ASIC2: variants seen among roughly 807,000 people sequenced by gnomAD.
ASIC2 encodes acid sensing ion channel subunit 2, also known as acid-sensing ion channel 2.
In ASIC2, 25 loss-of-function variants were observed where a neutral mutation model predicts 57.3. That is an observed-to-expected ratio of 0.44 (90% CI 0.32 to 0.61). ASIC2 has a LOEUF of 0.61. ASIC2 is among the 20% of genes least tolerant of loss of function. ASIC2 has a pLI of 0.06. For missense variants in ASIC2, 641 were observed against 738.1 expected (o/e 0.87, Z 1.52); for synonymous variants, 319 against 307.5 (o/e 1.04, Z -0.39).
chr17:33,570,300 C>A (rs189265139), intron 1 of ASIC2, among the ~76,000 whole-genome samples: 55 of 152,350 alleles, frequency 3.6e-4, no homozygotes, highest in Admixed American at 2.0e-3. Flanking sequence ...TAGCCTTGAG[C>A]CCATCAGGAC....
chr17:33,079,544 G>T (rs539077533), intron 3 of ASIC2, among the ~76,000 whole-genome samples: 13 of 152,140 alleles, frequency 8.5e-5, no homozygotes, highest in Non-Finnish European at 1.5e-4. Flanking sequence ...TCATCCTGTG[G>T]TTCATGAGGG....
intron 1 of ASIC2, among the ~76,000 whole-genome samples, chr17:33,198,425 TC>T (rs2142075395): frequency 6.6e-6 from 1 of 152,266 alleles, no homozygotes; most frequent in Non-Finnish European, 1.5e-5. Flanking sequence ...CATAAACTAG[TC>T]CTATGCTCAA....
At chr17:33,686,083 T>C (rs1302358748) in intron 1 of ASIC2, among the ~76,000 whole-genome samples, 2 of 152,122 alleles carry the variant, frequency 1.3e-5, no homozygotes, top group Non-Finnish European at 2.9e-5. Context: ...GAGGTCGGAA[T>C]CCTCAGCTCC....
At position 33,084,790 on chromosome 17, in the gene ASIC2, G is replaced by A. The variant is rs550744946; in HGVS notation, c.987+4073C>T. Among the ~76,000 whole-genome samples, 7 of 152,236 alleles carry A rather than the reference G, an allele frequency of 4.6e-5. No individual in the cohort carries two copies. The South Asian group carries it at 1.5e-3, about 32-fold the overall frequency. ...CTGTCTCTGGTGGTCCTGGGATTGTGCAGAGGATTTTACAGCAACTGAGTT... is the reference window on the plus strand; with the variant it reads ...CTGTCTCTGGTGGTCCTGGGATTGTACAGAGGATTTTACAGCAACTGAGTT... On this transcript the variant is annotated intron_variant, in intron 3 of 9. Coordinates refer to ENST00000225823, the MANE Select transcript of ASIC2 (RefSeq NM_183377.2).
At chr17:33,999,599 T>G (rs2142014452) in intron 1 of ASIC2, among the ~76,000 whole-genome samples, 1 of 152,316 alleles carries the variant, frequency 6.6e-6, no homozygotes. Flanking sequence ...ACAGTGTATT[T>G]TAAGCTGATA....
rs540541025 is a variant in ASIC2, at chr17:34,081,044, CATCTATCT to C, written c.555+74926_555+74933del. ...GGCTTTGCCAAGCAGCCTCTATTGGCATCTATCTGAATCGCTGGCTTATAGCCCATGAA... is the reference window on the plus strand; with the variant it reads ...GGCTTTGCCAAGCAGCCTCTATTGGCGAATCGCTGGCTTATAGCCCATGAA... On this transcript the variant is annotated intron_variant, in intron 1 of 9. Transcript: ENST00000359872. 95 of 152,272 alleles carry C rather than the reference CATCTATCT, an allele frequency of 6.2e-4. 1 individual carries two copies. The highest frequency in any genetic ancestry group is 5.2e-3 in the Admixed American group (79 of 15,294). The allele number at this position is 152,272 out of a possible 1,614,324, so 9.4% of individuals were successfully genotyped here.
At chr17:33,870,539 C>T (rs1000019927) in intron 1 of ASIC2, among the ~76,000 whole-genome samples, 2 of 151,876 alleles carry the variant, frequency 1.3e-5, no homozygotes, top group Non-Finnish European at 2.9e-5. Flanking sequence ...AGGAAGAATT[C>T]AGGGTGCCAC....
intron 3 of ASIC2, among the ~76,000 whole-genome samples, chr17:33,086,131 C>T (rs779389718): frequency 6.6e-6 from 1 of 152,130 alleles, no homozygotes; most frequent in Non-Finnish European, 1.5e-5. Flanking sequence ...GCTCCGACTT[C>T]CCACCCAGCC....
At chr17:33,896,608 TC>T in intron 1 of ASIC2, among the ~76,000 whole-genome samples, 1 of 152,210 alleles carries the variant, frequency 6.6e-6, no homozygotes, top group South Asian at 2.1e-4. Flanking sequence ...CTGGCTCCTA[TC>T]GGGGGCTGTC....
chr17:33,522,786 C>T (rs144522462), intron 1 of ASIC2, among the ~76,000 whole-genome samples: 218 of 152,332 alleles, frequency 1.4e-3, no homozygotes, highest in African/African-American at 5.0e-3. Context: ...CCCACAAGAA[C>T]AGACACACGA....
intron 1 of ASIC2, among the ~76,000 whole-genome samples, chr17:33,932,110 A>G (rs930138208): frequency 2.6e-5 from 4 of 152,088 alleles, no homozygotes; most frequent in Admixed American, 2.6e-4. Context: ...CCACCTTCCC[A>G]GGGTGATCTG....
intron 1 of ASIC2, among the ~76,000 whole-genome samples, chr17:33,675,453 G>A (rs1247412852): frequency 6.6e-6 from 1 of 152,246 alleles, no homozygotes; most frequent in Non-Finnish European, 1.5e-5. Flanking sequence ...CTTAAGCAGA[G>A]TTTGGAAGTC....
At chr17:33,344,021 C>G (rs2142240360) in intron 1 of ASIC2, among the ~76,000 whole-genome samples, 1 of 152,338 alleles carries the variant, frequency 6.6e-6, no homozygotes, top group African/African-American at 2.4e-5. Context: ...GTTGCGTGTT[C>G]CAGCAACTGT....
intron 1 of ASIC2, among the ~76,000 whole-genome samples, chr17:33,908,820 C>G (rs950825733): frequency 2.6e-5 from 4 of 152,196 alleles, no homozygotes; most frequent in Admixed American, 1.3e-4. Context: ...CTGCCCTATG[C>G]TTAAAACCTA....
chr17:33,701,942 T>C (rs913734205), intron 1 of ASIC2, among the ~76,000 whole-genome samples: 2 of 152,224 alleles, frequency 1.3e-5, no homozygotes, highest in African/African-American at 4.8e-5. Context: ...TCTAAGTGAG[T>C]TCTGCAGACA....
chr17:33,438,071 G>A (rs1911690600), intron 1 of ASIC2, among the ~76,000 whole-genome samples: 1 of 152,170 alleles, frequency 6.6e-6, no homozygotes, highest in Non-Finnish European at 1.5e-5. Flanking sequence ...GGGTCATACA[G>A]AGTCTCAGAA....
chr17:33,316,431 T>A (rs1470060999), intron 1 of ASIC2, among the ~76,000 whole-genome samples: 1 of 152,182 alleles, frequency 6.6e-6, no homozygotes, highest in African/African-American at 2.4e-5. Flanking sequence ...GCATATATAA[T>A]GCCTTTGCAC....
intron 1 of ASIC2, among the ~76,000 whole-genome samples, chr17:33,185,268 T>C (rs1329976875): frequency 1.3e-5 from 2 of 152,186 alleles, no homozygotes; most frequent in Admixed American, 1.3e-4. Context: ...CTTTATGACA[T>C]GCTATTCAGG....
chr17:33,301,423 G>A (rs1436888797), intron 1 of ASIC2, among the ~76,000 whole-genome samples: 1 of 152,122 alleles, frequency 6.6e-6, no homozygotes, highest in Non-Finnish European at 1.5e-5. Flanking sequence ...GGAAACTGAG[G>A]CAGAATGTGG....
Sources: gnomAD v4.1 joint callset for allele counts (sites outside exome capture counted in the v4.1 genomes callset) on GRCh38, gnomAD v4.1.1 for gene constraint, MANE v1.5 for transcripts, NCBI Gene and HGNC (gene_info 2026-07-23, HGNC 2026-07-21) for gene names.